PRKN: variants seen among roughly 807,000 people sequenced by gnomAD.
PRKN encodes the protein E3 ubiquitin-protein ligase parkin.
Under a neutral mutation model 59.5 loss-of-function variants are expected in PRKN, and 56 were observed. That is an observed-to-expected ratio of 0.94 (90% CI 0.76 to 1.18). The LOEUF (loss-of-function observed/expected upper bound fraction) is 1.18. PRKN is among the 50% of genes most tolerant of loss of function. The pLI, the probability that PRKN is intolerant of heterozygous loss-of-function variation, is 0.00. For synonymous variants in PRKN, 250 were observed against 222.1 expected, an observed-to-expected ratio of 1.13 and a Z score of -1.12; for missense variants, 657 against 596.4, an observed-to-expected ratio of 1.10 and a Z score of -1.06.
chr6:161,774,464 T>G (rs1789836755), intron 7 of PRKN, among the ~76,000 whole-genome samples: 1 of 149,072 alleles, frequency 6.7e-6, no homozygotes. Context: ...TGTGGCTGAG[T>G]TCTGGTACAA....
intron 1 of PRKN, among the ~76,000 whole-genome samples, chr6:162,507,542 G>A (rs926149406): frequency 6.6e-6 from 1 of 152,094 alleles, no homozygotes; most frequent in Admixed American, 6.5e-5. Context: ...AAGAATAAAT[G>A]TTTTTATAAA....
chr6:162,201,518 C>T lies in PRKN; in HGVS notation c.413-266G>A, dbSNP rs79225289. 0.13 allele frequency among the ~76,000 whole-genome samples: 19,921 copies of T among 152,162 alleles called. 1,657 individuals are homozygous for T. Among genetic ancestry groups the T allele is most frequent in the South Asian group, 0.26 (1,259 of 4,814 alleles). Reference sequence around the variant, plus strand: ...GTAAGCAGCCTACTGCCAAGAGAATCGGGCAAGTGTATCTGCAACACAGTA... The same window carrying T: ...GTAAGCAGCCTACTGCCAAGAGAATTGGGCAAGTGTATCTGCAACACAGTA... On this transcript the variant is annotated intron_variant, in intron 3 of 11. Transcript: ENST00000366898.
chr6:161,630,079 G>A (rs1006730180), intron 7 of PRKN, among the ~76,000 whole-genome samples: 8 of 152,184 alleles, frequency 5.3e-5, no homozygotes, highest in Admixed American at 1.3e-4. Context: ...CATAATAACA[G>A]AAGCCTTTTC....
At chr6:161,645,206 C>A (rs9647609) in intron 7 of PRKN, among the ~76,000 whole-genome samples, 34,078 of 149,596 alleles carry the variant, frequency 0.23, 4,240 homozygotes, top group Middle Eastern at 0.35. Flanking sequence ...CAAAATCTTA[C>A]GGAATAATCT....
At chr6:161,571,355 T>C (rs1026283474) in intron 7 of PRKN, among the ~76,000 whole-genome samples, 3 of 152,256 alleles carry the variant, frequency 2.0e-5, no homozygotes, top group Non-Finnish European at 4.4e-5. Flanking sequence ...AACTGGATTG[T>C]ATGCAGGACA....
chr6:161,758,212 C>T (rs1251433055), intron 7 of PRKN, among the ~76,000 whole-genome samples: 1 of 151,650 alleles, frequency 6.6e-6, no homozygotes, highest in East Asian at 1.9e-4. Context: ...ATTTAGTCAC[C>T]CCACTTCTAG....
chr6:161,685,757 G>A (rs1785528960), intron 7 of PRKN, among the ~76,000 whole-genome samples: 1 of 152,206 alleles, frequency 6.6e-6, no homozygotes, highest in African/African-American at 2.4e-5. Flanking sequence ...TGAGGGCAAA[G>A]GGTATATGGG....
chr6:162,549,666 T>C (rs1458266072), intron 1 of PRKN, among the ~76,000 whole-genome samples: 1 of 147,424 alleles, frequency 6.8e-6, no homozygotes, highest in Non-Finnish European at 1.5e-5. Context: ...TTTGACCGAG[T>C]CTTGCTCTGT....
At chr6:161,736,058 C>T (rs1382882093) in intron 7 of PRKN, among the ~76,000 whole-genome samples, 3 of 152,298 alleles carry the variant, frequency 2.0e-5, no homozygotes, top group Non-Finnish European at 4.4e-5. Flanking sequence ...CCTGGAATCA[C>T]GGGAAGAAAA....
At chr6:162,118,969 A>T (rs999243961) in intron 4 of PRKN, among the ~76,000 whole-genome samples, 2 of 152,220 alleles carry the variant, frequency 1.3e-5, no homozygotes, top group South Asian at 4.1e-4. Context: ...CCAACAGCAC[A>T]CACGTTCAAA....
At chr6:161,628,816 C>T (rs768261497) in intron 7 of PRKN, among the ~76,000 whole-genome samples, 5 of 152,126 alleles carry the variant, frequency 3.3e-5, no homozygotes, top group East Asian at 1.9e-4. Flanking sequence ...GATGTAGAGG[C>T]GCGTAATAGG....
intron 6 of PRKN, among the ~76,000 whole-genome samples, chr6:161,864,254 T>C (rs370232868): frequency 1.8e-4 from 28 of 152,202 alleles, no homozygotes; most frequent in East Asian, 1.2e-3. Context: ...ATCAACTAAG[T>C]GTATGTAATA....
At chr6:162,435,430 A>G (rs756290458) in intron 2 of PRKN, among the ~76,000 whole-genome samples, 2 of 152,104 alleles carry the variant, frequency 1.3e-5, no homozygotes, top group African/African-American at 2.4e-5. Context: ...CAGAAATGTC[A>G]AGGCTTCCTT....
chr6:161,626,580 A>G (rs1195549930), intron 7 of PRKN, among the ~76,000 whole-genome samples: 1 of 152,232 alleles, frequency 6.6e-6, no homozygotes, highest in Non-Finnish European at 1.5e-5. Context: ...CTGAGAAGCC[A>G]AACTCTGGCT....
chr6:161,957,437 T>C lies in PRKN; in HGVS notation c.734+15865A>G, dbSNP rs558685895. 1.8e-4 allele frequency among the ~76,000 whole-genome samples: 23 copies of C among 125,830 alleles called. No homozygotes were observed. The East Asian group carries it at 4.2e-3, about 23-fold the overall frequency. 82.5% of individuals were successfully genotyped at this position (125,830 alleles called of 152,430 possible). ...TTTTTTTTGTTTGTTTGTTTGTTTGTTTTTTTGAGCCAGAGTCTCACTCTG... is the reference window on the plus strand; with the variant it reads ...TTTTTTTTGTTTGTTTGTTTGTTTGCTTTTTTGAGCCAGAGTCTCACTCTG... On this transcript the variant is annotated intron_variant, in intron 6 of 11. Transcript: ENST00000366898.
rs1554275447 is a variant in PRKN at position 161,552,789 on chromosome 6, T to TGTTG, written c.934-3787_934-3786insCAAC. ...AAAGACACCATGGTTTTGTTGTTGT[T>TGTTG]TTTGTTTTTTGTTTTTTTTTTTTAG... On this transcript the variant is annotated intron_variant, in intron 8 of 11. Transcript: ENST00000366898. This position sits in a 1 kb window ranked among gnomAD's most constrained non-coding sequence, Gnocchi z 4.9. Among the ~76,000 whole-genome samples the TGTTG allele has an allele frequency of 9.1e-5, 8 of 87,822 alleles. No individual in the cohort carries two copies. The highest frequency in any genetic ancestry group is 2.1e-4 in the Admixed American group (2 of 9,418). The allele number at this position is 87,822 out of a possible 152,430, so 57.6% of individuals were successfully genotyped here. A position where few individuals can be genotyped will look rare whatever the true frequency, so the allele number is the denominator to read the frequency against.
In PRKN at chr6:161,581,308, T is replaced by C; in HGVS notation, c.872-11892A>G. Among the ~76,000 whole-genome samples the C allele has an allele frequency of 6.6e-6, 1 of 152,232 alleles. No individual in the cohort carries two copies. The highest frequency in any genetic ancestry group is 1.5e-5 in the Non-Finnish European group (1 of 68,038). ...CAGTGAAAGAACCTGTCAAAGGTCA[T>C]TTCACTACTTCTGTGCTGTCCTTTT... On this transcript the variant is annotated intron_variant, in intron 7 of 11. Coordinates refer to ENST00000366898, the MANE Select transcript of PRKN (RefSeq NM_004562.3). This position sits in a 1 kb window ranked among gnomAD's most constrained non-coding sequence, Gnocchi z 4.5.
At chr6:161,435,726 C>T (rs1364619165) in intron 9 of PRKN, among the ~76,000 whole-genome samples, 1 of 150,560 alleles carries the variant, frequency 6.6e-6, no homozygotes, top group African/African-American at 2.5e-5. Context: ...TAAATTATTC[C>T]AAAATGTAAA....
intron 6 of PRKN, among the ~76,000 whole-genome samples, chr6:161,813,226 G>T (rs1791631895): frequency 6.6e-6 from 1 of 152,162 alleles, no homozygotes; most frequent in South Asian, 2.1e-4. Context: ...GCAGTGGAAA[G>T]GATATGAACT....
Sources: allele counts gnomAD v4.1 joint callset (sites outside exome capture counted in the v4.1 genomes callset), GRCh38; gene constraint gnomAD v4.1.1; non-coding constraint Gnocchi (gnomAD v3.1); transcripts MANE v1.5; gene names NCBI Gene and HGNC (gene_info 2026-07-23, HGNC 2026-07-21).